SNX29: variants seen among roughly 807,000 people sequenced by gnomAD.
SNX29 encodes the protein sorting nexin 29, also known as sorting nexin-29.
In SNX29, 78 loss-of-function variants were observed where a neutral mutation model predicts 102.1. The ratio of observed to expected loss-of-function variants is 0.76; its 90% CI spans 0.64 to 0.92. The LOEUF (loss-of-function observed/expected upper bound fraction) is 0.92, where lower values mean the gene tolerates loss of function less well. Ranked by LOEUF, SNX29 falls within the 40% of genes least tolerant of loss-of-function variation. SNX29 has a pLI of 0.00. For missense variants in SNX29, 1,280 were observed against 1,061.7 expected (o/e 1.21, Z -2.86); for synonymous variants, 580 against 414.5 (o/e 1.40, Z -4.85).
At position 12,369,548 on chromosome 16, in the gene SNX29, A is replaced by T. The variant is rs572077072; in HGVS notation, c.1899+13269A>T. Reference sequence around the variant, plus strand: ...GTCTGGGCCAGGTCCTCTCCTGTACATGGTCAGGTGATGACACTGTCCTTG... The same window carrying T: ...GTCTGGGCCAGGTCCTCTCCTGTACTTGGTCAGGTGATGACACTGTCCTTG... On this transcript the variant is annotated intron_variant, in intron 16 of 20. Transcript: ENST00000566228. Among the ~76,000 whole-genome samples the T allele has an allele frequency of 2.0e-5, 3 of 152,306 alleles. No homozygotes were observed. The East Asian group carries it at 5.8e-4, about 29-fold the overall frequency.
At chr16:12,075,392 C>T (rs1431377121) in intron 10 of SNX29, among the ~76,000 whole-genome samples, 1 of 152,208 alleles carries the variant, frequency 6.6e-6, no homozygotes, top group Non-Finnish European at 1.5e-5. Context: ...AGACAGGACC[C>T]TCAGCTGCAG....
At chr16:12,552,733 T>TA (rs1242752939) in intron 20 of SNX29, among the ~76,000 whole-genome samples, 2 of 152,344 alleles carry the variant, frequency 1.3e-5, no homozygotes, top group African/African-American at 4.8e-5. Flanking sequence ...AGACATGGTA[T>TA]CTCCAGTGAA....
At chr16:12,083,905 C>CT (rs2052032814) in intron 11 of SNX29, among the ~76,000 whole-genome samples, 1 of 152,224 alleles carries the variant, frequency 6.6e-6, no homozygotes, top group Admixed American at 6.5e-5. Flanking sequence ...TGAGCTAGAG[C>CT]TAGGTAATTT....
At chr16:12,154,050 C>A (rs936229207) in intron 13 of SNX29, among the ~76,000 whole-genome samples, 1 of 152,108 alleles carries the variant, frequency 6.6e-6, no homozygotes, top group Non-Finnish European at 1.5e-5. Flanking sequence ...GATGTAAAGT[C>A]CTCTTTTATT....
chr16:12,492,160 T>C (rs2088582866), intron 19 of SNX29, among the ~76,000 whole-genome samples: 1 of 152,214 alleles, frequency 6.6e-6, no homozygotes, highest in East Asian at 1.9e-4. Flanking sequence ...TGTAAAAGTG[T>C]TCCTGTTTCT....
At chr16:12,166,071 G>A (rs1402342007) in intron 13 of SNX29, among the ~76,000 whole-genome samples, 3 of 152,246 alleles carry the variant, frequency 2.0e-5, no homozygotes, top group Admixed American at 1.3e-4. Context: ...ATTCATGGTA[G>A]TAGTATTAAC....
chr16:12,389,470 C>T (rs769057398), intron 16 of SNX29, among the ~76,000 whole-genome samples: 2 of 152,110 alleles, frequency 1.3e-5, no homozygotes, highest in African/African-American at 4.8e-5. Flanking sequence ...TCCTGCCTGC[C>T]ACCATGTAAG....
At chr16:12,120,314 G>A (rs1641855) in intron 11 of SNX29, among the ~76,000 whole-genome samples, 2 of 152,046 alleles carry the variant, frequency 1.3e-5, no homozygotes, top group African/African-American at 2.4e-5. Flanking sequence ...AGTATGGGCC[G>A]CAGGGGAGTG....
intron 13 of SNX29, among the ~76,000 whole-genome samples, chr16:12,139,979 T>TGAAAAAAAAAAA (rs144110763): frequency 1.6e-5 from 1 of 63,070 alleles, no homozygotes; most frequent in Non-Finnish European, 3.0e-5. Flanking sequence ...ATACCCTGTC[T>TGAAAAAAAAAAA]CAAAAAAAAA....
At position 11,999,239 on chromosome 16, in the gene SNX29, T is replaced by A. The variant is rs534198370; in HGVS notation, c.8-58T>A. The A allele has an allele frequency of 2.0e-6, 3 of 1,532,726 alleles. No individual in the cohort carries two copies. In the South Asian group the frequency reaches 3.4e-5, roughly 17 times the overall value. The allele number at this position is 1,532,726 out of a possible 1,614,324, so 94.9% of individuals were successfully genotyped here. On this transcript the variant is annotated intron_variant, in intron 1 of 20. Coordinates refer to ENST00000566228, the MANE Select transcript of SNX29 (RefSeq NM_032167.5). ...GATCAGTAGGAAAGGACTGATCTAG[T>A]TGGGGACAGCCGTGTCCGAGCGTCA... is the stretch of plus-strand genomic sequence containing the variant.
chr16:12,475,071 C>T (rs2087528858), intron 18 of SNX29, among the ~76,000 whole-genome samples: 1 of 152,224 alleles, frequency 6.6e-6, no homozygotes, highest in Admixed American at 6.5e-5. Context: ...ATTCGTAGAC[C>T]TGAATTCTCT....
At chr16:11,994,560 A>G (rs2055984849) in intron 1 of SNX29, among the ~76,000 whole-genome samples, 1 of 152,224 alleles carries the variant, frequency 6.6e-6, no homozygotes, top group African/African-American at 2.4e-5. Context: ...CCATGAGTCT[A>G]GCCCTGGGTA....
intron 14 of SNX29, among the ~76,000 whole-genome samples, chr16:12,234,727 G>T (rs2142229501): frequency 6.6e-6 from 1 of 152,268 alleles, no homozygotes; most frequent in East Asian, 1.9e-4. Context: ...GGGGTTGTTG[G>T]TTGGAGAGTT....
rs567712351 is a variant in SNX29, at chr16:12,101,861, C to T, written c.1402+22946C>T. 1.7e-4 allele frequency among the ~76,000 whole-genome samples: 26 copies of T among 152,270 alleles called. No homozygotes were observed. In the South Asian group the frequency reaches 3.7e-3, roughly 22 times the overall value. On this transcript the variant is annotated intron_variant, in intron 11 of 20. Transcript: ENST00000566228. ...ATACTTGTGCCACGGTTTTTTGCTGCACCCATCAGCCCGTCATCTACATTA... is the reference window on the plus strand; with the variant it reads ...ATACTTGTGCCACGGTTTTTTGCTGTACCCATCAGCCCGTCATCTACATTA...
In SNX29 at chr16:12,498,338, G is replaced by A. The variant is rs534905820; in HGVS notation, c.2178+20479G>A. On this transcript the variant is annotated intron_variant, in intron 19 of 20. Transcript: ENST00000566228. The stretch of plus-strand genomic sequence containing the variant: ...CAGTTACCTTGTATGCTTAGCTAAG[G>A]AGTTTGGAATTTTATCCTGAAAGCA... 2.1e-4 allele frequency among the ~76,000 whole-genome samples: 32 copies of A among 152,264 alleles called. 1 individual carries two copies. The South Asian group carries it at 6.4e-3, about 31-fold the overall frequency.
At chr16:12,136,589 G>T (rs572789215) in intron 13 of SNX29, among the ~76,000 whole-genome samples, 5 of 152,332 alleles carry the variant, frequency 3.3e-5, no homozygotes, top group African/African-American at 1.2e-4. Flanking sequence ...TTCCCTTGGC[G>T]CCGCCCTCTG....
At chr16:12,466,712 C>T (rs528425891) in intron 18 of SNX29, among the ~76,000 whole-genome samples, 1 of 152,268 alleles carries the variant, frequency 6.6e-6, no homozygotes, top group South Asian at 2.1e-4. Flanking sequence ...GTTGTGTCCT[C>T]CTTAGTTTTC....
chr16:12,059,062 C>G (rs567915259), intron 8 of SNX29, among the ~76,000 whole-genome samples: 1 of 152,264 alleles, frequency 6.6e-6, no homozygotes, highest in African/African-American at 2.4e-5. Context: ...AGCCACTGGC[C>G]TGGCCAGCAA....
chr16:11,997,274 C>G (rs887112258), intron 1 of SNX29, among the ~76,000 whole-genome samples: 2 of 152,158 alleles, frequency 1.3e-5, no homozygotes, highest in Admixed American at 6.5e-5. Flanking sequence ...TTTGCTCTGT[C>G]TGGAACACTG....
Sources: allele counts gnomAD v4.1 joint callset (sites outside exome capture counted in the v4.1 genomes callset), GRCh38; gene constraint gnomAD v4.1.1; transcripts MANE v1.5; gene names NCBI Gene and HGNC (gene_info 2026-07-23, HGNC 2026-07-21).